DARS2: variants seen among roughly 807,000 people sequenced by gnomAD.
DARS2 encodes the protein aspartyl-tRNA synthetase 2, mitochondrial, also known as aspartate--tRNA ligase, mitochondrial.
Under a neutral mutation model 83.0 loss-of-function variants are expected in DARS2, and 63 were observed. The observed-to-expected ratio is 0.76, with a 90% CI of 0.62 to 0.94. The LOEUF (loss-of-function observed/expected upper bound fraction) is 0.94. DARS2 is among the 40% of genes least tolerant of loss of function. The probability of loss-of-function intolerance (pLI) is 0.00; values close to 1 mark genes in which losing one functional copy is unlikely to be tolerated. For missense variants in DARS2, 675 were observed against 774.4 expected, an observed-to-expected ratio of 0.87 and a Z score of 1.52; for synonymous variants, 250 against 269.3, an observed-to-expected ratio of 0.93 and a Z score of 0.70.
chr1:173,825,924 T>TA (rs535830750), intron 1 of DARS2, among the ~76,000 whole-genome samples: 27 of 150,884 alleles, frequency 1.8e-4, no homozygotes, highest in South Asian at 1.5e-3. Context: ...GTTGATGCCT[T>TA]AAAAAAATCC....
chr1:173,831,414 T>C, intron 4 of DARS2, 121 bp from the exon 5 acceptor site: 1 of 817,600 alleles, frequency 1.2e-6, no homozygotes, highest in Admixed American at 1.7e-5. Flanking sequence ...TGTTTTATAC[T>C]ATACACTATA....
At chr1:173,837,936 A>C (rs552083571) in intron 8 of DARS2, among the ~76,000 whole-genome samples, 2 of 152,048 alleles carry the variant, frequency 1.3e-5, no homozygotes, top group South Asian at 2.1e-4. Flanking sequence ...ACCCACGCCC[A>C]GCTAATTTTC....
At chr1:173,827,395 C>G (rs530211396) in intron 2 of DARS2, among the ~76,000 whole-genome samples, 1 of 152,016 alleles carries the variant, frequency 6.6e-6, no homozygotes, top group Non-Finnish European at 1.5e-5. Flanking sequence ...TTTGGGAGGC[C>G]GAGGCGGGCG....
intron 12 of DARS2, among the ~76,000 whole-genome samples, chr1:173,847,240 TGGGGATGGCGG>T (rs1484721606): frequency 6.6e-6 from 1 of 152,100 alleles, no homozygotes; most frequent in African/African-American, 2.4e-5. Context: ...CTGTCGGCGG[TGGGGATGGCGG>T]GGGGATGAAA....
chr1:173,836,862 TC>T, intron 7 of DARS2, 77 bp from the exon 8 acceptor site: 1 of 1,163,118 alleles, frequency 8.6e-7, no homozygotes, highest in Non-Finnish European at 1.3e-6. Context: ...AGTAACAACT[TC>T]TACTAGTTAG....
At chr1:173,840,444 G>A (rs555403186) in intron 10 of DARS2, among the ~76,000 whole-genome samples, 50 of 152,128 alleles carry the variant, frequency 3.3e-4, no homozygotes, top group Non-Finnish European at 6.3e-4. Context: ...TGCCATGTTG[G>A]CCAGGCTGAC....
chr1:173,857,813 TA>T lies in DARS2; in HGVS notation c.*109del. On this transcript the variant is annotated 3_prime_UTR_variant, in exon 17 of 17. Transcript: ENST00000649689. Reference sequence around the variant, plus strand: ...GCCACAGGTCTAACAATCAAGTCTTTAGATGGAAGGAATCCAGGCAACATTC... The same window carrying T: ...GCCACAGGTCTAACAATCAAGTCTTTGATGGAAGGAATCCAGGCAACATTC... The T allele has an allele frequency of 1.7e-6, 2 of 1,161,892 alleles. No homozygotes were observed. Among genetic ancestry groups the T allele is most frequent in the Non-Finnish European group, 2.5e-6 (2 of 790,816 alleles). The allele number at this position is 1,161,892 out of a possible 1,614,324, so 72.0% of individuals were successfully genotyped here. A position where few individuals can be genotyped will look rare whatever the true frequency, so the allele number is the denominator to read the frequency against.
At chr1:173,832,864 C>T (rs575406426) in intron 5 of DARS2, among the ~76,000 whole-genome samples, 1 of 151,794 alleles carries the variant, frequency 6.6e-6, no homozygotes, top group East Asian at 1.9e-4. Context: ...ATTCTTTACA[C>T]TTGTAGTCAG....
At chr1:173,828,303 A>G in intron 2 of DARS2, 30 bp from the exon 3 acceptor site, 2 of 1,593,026 alleles carry the variant, frequency 1.3e-6, no homozygotes, top group Non-Finnish European at 1.7e-6. Context: ...TTATCTTAAA[A>G]TGTTTCTTTT....
At position 173,853,559 on chromosome 1, in the gene DARS2, C is replaced by T. The variant is rs755142844; in HGVS notation, c.1555C>T (p.Pro519Ser). The T allele has an allele frequency of 2.5e-6, 4 of 1,613,776 alleles. No individual in the cohort carries two copies. The highest frequency in any genetic ancestry group is 1.3e-5 in the African/African-American group (1 of 74,842). The change falls in exon 14 of 17, where the codon CCC becomes TCC. Residue 519 changes from proline (P) to serine (S), a missense_variant. Coordinates refer to ENST00000649689, the MANE Select transcript of DARS2 (RefSeq NM_018122.5). Reference sequence around the variant, plus strand: ...TGACATACATCTCCTGTACACTGAGCCCAAAAAGGTACCGTATCTATACTT... The same window carrying T: ...TGACATACATCTCCTGTACACTGAGTCCAAAAAGGTACCGTATCTATACTT... ...PSDIHLLYTE[P>S]KKARSQHYDL...
At chr1:173,832,541 C>T (rs1213245290) in intron 5 of DARS2, among the ~76,000 whole-genome samples, 1 of 152,000 alleles carries the variant, frequency 6.6e-6, no homozygotes, top group African/African-American at 2.4e-5. Context: ...GAGGCCAAGG[C>T]AGACAGATCA....
rs1853013 is a variant in DARS2, at chr1:173,831,183, A to G, written c.397-352A>G. 3.4e-3 allele frequency among the ~76,000 whole-genome samples: 513 copies of G among 150,004 alleles called. 8 individuals are homozygous for G. The highest frequency in any genetic ancestry group is 0.029 in the Admixed American group (439 of 15,062). ...GCCCATCTCAGCCTCCCAAAGTGCC[A>G]GGATTACAGGCGTGAGCCACCGTGC... On this transcript the variant is annotated intron_variant, in intron 4 of 16. Transcript: ENST00000649689.
chr1:173,844,669 C>CAAAAAAA (rs549839808), intron 11 of DARS2, among the ~76,000 whole-genome samples: 19 of 29,926 alleles, frequency 6.3e-4, no homozygotes, highest in African/African-American at 1.1e-3. Context: ...GACTCCATCG[C>CAAAAAAA]AAAAAAAAAA....
chr1:173,833,133 T>G (rs1411903949), intron 5 of DARS2, among the ~76,000 whole-genome samples: 7 of 152,310 alleles, frequency 4.6e-5, no homozygotes, highest in Admixed American at 2.0e-4. Flanking sequence ...GATAAATGTT[T>G]AGTAAAGTAG....
intron 13 of DARS2, among the ~76,000 whole-genome samples, chr1:173,852,529 T>C (rs1653713048): frequency 6.6e-6 from 1 of 151,900 alleles, no homozygotes; most frequent in South Asian, 2.1e-4. Flanking sequence ...TTTGAGATGG[T>C]CTCACTCTGT....
chr1:173,850,956 G>A (rs192006356), intron 13 of DARS2, among the ~76,000 whole-genome samples: 23 of 152,074 alleles, frequency 1.5e-4, no homozygotes, highest in Admixed American at 1.2e-3. Context: ...CTTAAGGGTT[G>A]GCCGGGCATG....
intron 11 of DARS2, among the ~76,000 whole-genome samples, chr1:173,843,354 T>C (rs1025559683): frequency 3.3e-5 from 5 of 150,628 alleles, no homozygotes; most frequent in African/African-American, 1.2e-4. Flanking sequence ...AGGTCAGGAG[T>C]TCAAGACCAG....
intron 3 of DARS2, among the ~76,000 whole-genome samples, chr1:173,828,863 ATTATC>A (rs1230903019): frequency 6.6e-6 from 1 of 152,176 alleles, no homozygotes; most frequent in African/African-American, 2.4e-5. Context: ...CTTCTGGTAA[ATTATC>A]TTATATCTAG....
intron 13 of DARS2, among the ~76,000 whole-genome samples, chr1:173,851,097 G>A (rs1195510149): frequency 1.3e-5 from 2 of 151,710 alleles, no homozygotes; most frequent in South Asian, 2.1e-4. Flanking sequence ...AATTAGCTGG[G>A]TGTGGTGGCG....
Sources: allele counts gnomAD v4.1 joint callset (sites outside exome capture counted in the v4.1 genomes callset), GRCh38; gene constraint gnomAD v4.1.1; transcripts MANE v1.5; gene names NCBI Gene and HGNC (gene_info 2026-07-23, HGNC 2026-07-21).